ZNF609: variants seen among roughly 807,000 people sequenced by gnomAD.
The protein encoded by ZNF609 is zinc finger protein 609.
ZNF609 carries 11 observed loss-of-function variants against 109.5 expected under a neutral mutation model. The observed-to-expected ratio is 0.10, with a 90% CI of 0.06 to 0.17. ZNF609 has a LOEUF of 0.17. ZNF609 is among the 10% of genes least tolerant of loss of function. ZNF609 has a pLI of 1.00. For synonymous variants in ZNF609, 646 were observed against 662.0 expected, an observed-to-expected ratio of 0.98 and a Z score of 0.37; for missense variants, 1,559 against 1,772.4, an observed-to-expected ratio of 0.88 and a Z score of 2.16.
In ZNF609 at chr15:64,618,311, T is replaced by C. The variant is rs115675395; in HGVS notation, c.748-4516T>C. On this transcript the variant is annotated intron_variant, in intron 2 of 9. Coordinates refer to ENST00000326648, the MANE Select transcript of ZNF609 (RefSeq NM_015042.2). ...GTGGCTCACTTCTTCACTGCCCTGC[T>C]GCTCAGACCTGTAGGGTAACATACA... Among the ~76,000 whole-genome samples, 368 of 152,290 alleles carry C rather than the reference T, an allele frequency of 2.4e-3. 2 individuals carry two copies. The highest frequency in any genetic ancestry group is 8.5e-3 in the African/African-American group (355 of 41,572).
chr15:64,660,122 G>C (rs1896552484), intron 3 of ZNF609, among the ~76,000 whole-genome samples: 1 of 152,110 alleles, frequency 6.6e-6, no homozygotes, highest in South Asian at 2.1e-4. Flanking sequence ...GGCATGAGCT[G>C]CCACACCTGG....
chr15:64,675,510 A>G lies in ZNF609; in HGVS notation c.2656A>G (p.Ser886Gly). The change falls in exon 5 of 10, where the codon AGC becomes GGC. Residue 886 changes from serine to glycine, a missense_variant. By Grantham distance (56) the Ser-to-Gly change is moderately conservative. Around this residue, in one of 4 missense-constraint regions of ZNF609, gnomAD observed 1,204 missense variants for 1,314.1 expected, o/e 0.92. Coordinates refer to ENST00000326648, the MANE Select transcript of ZNF609 (RefSeq NM_015042.2). Reference sequence around the variant, plus strand: ...AACTCTTTTTCCCCCTCAGCCTCAGAGCAAAGACTCACCATATTACCAAGG... The same window carrying G: ...AACTCTTTTTCCCCCTCAGCCTCAGGGCAAAGACTCACCATATTACCAAGG... Reference protein sequence around the residue: ...KKTLFPPQPQSKDSPYYQGFE... With the variant: ...KKTLFPPQPQGKDSPYYQGFE... 1 of 1,614,180 alleles carries G rather than the reference A, an allele frequency of 6.2e-7. No homozygotes were observed.
chr15:64,632,382 A>G (rs750513484), intron 3 of ZNF609, among the ~76,000 whole-genome samples: 22 of 152,176 alleles, frequency 1.4e-4, no homozygotes, highest in Non-Finnish European at 3.2e-4. Flanking sequence ...AAAAAATGCA[A>G]AATCCAACAA....
chr15:64,477,242 G>A (rs1893186533), intron 1 of ZNF609, among the ~76,000 whole-genome samples: 1 of 150,594 alleles, frequency 6.6e-6, no homozygotes, highest in Non-Finnish European at 1.5e-5. Context: ...CCCGGTTCAG[G>A]CCATTCTCCT....
rs552419900 is a variant in ZNF609 at position 64,546,179 on chromosome 15, GTTTTC to G, written c.747+46019_747+46023del. ...TTGTCAGTACTTGATACTGTCTGTT[GTTTTC>G]TTTTCAAGTGGCTATACATCTTAGT... is the stretch of plus-strand genomic sequence containing the variant. On this transcript the variant is annotated intron_variant, in intron 2 of 9. Transcript: ENST00000326648. Among the ~76,000 whole-genome samples the G allele has an allele frequency of 5.0e-3, 765 of 152,252 alleles. 6 individuals are homozygous for G. The highest frequency in any genetic ancestry group is 0.017 in the Middle Eastern group (5 of 294).
At chr15:64,656,977 G>A (rs946931506) in intron 3 of ZNF609, among the ~76,000 whole-genome samples, 1 of 152,144 alleles carries the variant, frequency 6.6e-6, no homozygotes, top group Non-Finnish European at 1.5e-5. Flanking sequence ...AAGTAGTATG[G>A]GCCAGGCACA....
At chr15:64,527,349 A>G (rs1224883736) in intron 2 of ZNF609, among the ~76,000 whole-genome samples, 2 of 146,838 alleles carry the variant, frequency 1.4e-5, no homozygotes, top group Non-Finnish European at 3.0e-5. Context: ...GGTGATGGGC[A>G]TATTTGATTT....
chr15:64,611,826 C>T (rs572939926), intron 2 of ZNF609, among the ~76,000 whole-genome samples: 9 of 151,592 alleles, frequency 5.9e-5, no homozygotes, highest in South Asian at 2.1e-4. Context: ...CTCTGCCTCC[C>T]GGGTTCAAGC....
intron 2 of ZNF609, among the ~76,000 whole-genome samples, chr15:64,542,425 T>A (rs1567009824): frequency 6.6e-6 from 1 of 152,202 alleles, no homozygotes; most frequent in Non-Finnish European, 1.5e-5. Flanking sequence ...GACTTAAGAT[T>A]TCTCTGTGTT....
intron 3 of ZNF609, among the ~76,000 whole-genome samples, chr15:64,658,209 T>A (rs1247996682): frequency 6.6e-6 from 1 of 152,220 alleles, no homozygotes; most frequent in Admixed American, 6.5e-5. Flanking sequence ...TACTATTTTT[T>A]TTTTTTGAGA....
intron 2 of ZNF609, among the ~76,000 whole-genome samples, chr15:64,582,650 G>A (rs187354548): frequency 6.7e-6 from 1 of 148,174 alleles, no homozygotes; most frequent in East Asian, 2.0e-4. Context: ...CTCACATTAA[G>A]TTCACAATCA....
At chr15:64,511,890 T>C (rs1334646474) in intron 2 of ZNF609, among the ~76,000 whole-genome samples, 2 of 151,868 alleles carry the variant, frequency 1.3e-5, no homozygotes, top group Non-Finnish European at 2.9e-5. Context: ...AATTTTTGTA[T>C]TTTTAGTAGA....
chr15:64,618,077 C>T (rs1360237670), intron 2 of ZNF609, among the ~76,000 whole-genome samples: 1 of 151,526 alleles, frequency 6.6e-6, no homozygotes, highest in Admixed American at 6.6e-5. Context: ...AATCCCTGCT[C>T]TTATATTTTA....
At chr15:64,480,435 G>A (rs913099775) in intron 1 of ZNF609, among the ~76,000 whole-genome samples, 2 of 151,840 alleles carry the variant, frequency 1.3e-5, no homozygotes, top group African/African-American at 4.8e-5. Flanking sequence ...GGAGGCTAAG[G>A]CGGGAGAATA....
intron 2 of ZNF609, among the ~76,000 whole-genome samples, chr15:64,576,517 G>T (rs1449149509): frequency 6.6e-6 from 1 of 151,732 alleles, no homozygotes; most frequent in Non-Finnish European, 1.5e-5. Flanking sequence ...AAATAAACTT[G>T]CAATATCTTT....
chr15:64,476,338 G>T (rs759590360), intron 1 of ZNF609, among the ~76,000 whole-genome samples: 1 of 150,976 alleles, frequency 6.6e-6, no homozygotes, highest in Non-Finnish European at 1.5e-5. Context: ...ATAGGAGATA[G>T]AAATAAACAT....
intron 3 of ZNF609, among the ~76,000 whole-genome samples, chr15:64,632,601 C>T (rs1896101604): frequency 6.6e-6 from 1 of 152,014 alleles, no homozygotes; most frequent in Admixed American, 6.6e-5. Flanking sequence ...CCTGCCTCAG[C>T]CTCCCAAGTA....
intron 4 of ZNF609, among the ~76,000 whole-genome samples, chr15:64,672,281 G>A (rs944433034): frequency 6.7e-6 from 1 of 148,704 alleles, no homozygotes; most frequent in African/African-American, 2.5e-5. Flanking sequence ...CAAAGAGCTG[G>A]GATTACAGGC....
intron 2 of ZNF609, among the ~76,000 whole-genome samples, chr15:64,566,825 C>T (rs1210104055): frequency 6.6e-6 from 1 of 152,150 alleles, no homozygotes; most frequent in Non-Finnish European, 1.5e-5. Context: ...GATTATATTA[C>T]GTCCTAGGAG....
Sources: gnomAD v4.1 joint callset for allele counts (sites outside exome capture counted in the v4.1 genomes callset) on GRCh38, gnomAD v4.1.1 for gene constraint, gnomAD v4.1.1 regional missense constraint, MANE v1.5 for transcripts, NCBI Gene and HGNC (gene_info 2026-07-23, HGNC 2026-07-21) for gene names.